The following SH2D4A variants were observed in gnomAD, a reference collection of about 807,000 sequenced individuals.
SH2D4A encodes SH2 domain-containing protein 4A.
Under a neutral mutation model 64.7 loss-of-function variants are expected in SH2D4A, and 70 were observed. The ratio of observed to expected loss-of-function variants is 1.08; its 90% CI spans 0.89 to 1.32. The LOEUF (loss-of-function observed/expected upper bound fraction) is 1.32, where lower values mean the gene tolerates loss of function less well. SH2D4A is among the 40% of genes most tolerant of loss of function. The pLI is 0.00. For synonymous variants in SH2D4A, 268 were observed against 200.7 expected (o/e 1.34, Z -2.83); for missense variants, 706 against 540.1 (o/e 1.31, Z -3.04).
rs769101182 is a variant in SH2D4A, at chr8:19,319,655, C to G, written c.108C>G (p.Ile36Met). 1 of 1,610,976 alleles carries G rather than the reference C, an allele frequency of 6.2e-7. No individual in the cohort carries two copies. Among genetic ancestry groups the G allele is most frequent in the Non-Finnish European group, 8.5e-7 (1 of 1,178,884 alleles). Residue 36 changes from isoleucine to methionine, a missense_variant, in exon 2 of 10, where the codon ATC (isoleucine) becomes ATG (methionine). Coordinates refer to ENST00000265807, the MANE Select transcript of SH2D4A (RefSeq NM_022071.4). ...TCTTCAAGATGAGAGAGGAACAGAT[C>G]CGACGATGGAAAGAAAGAGAAGCAG... ...ILFFKMREEQ[I>M]RRWKEREAAM...
In SH2D4A at chr8:19,332,968, G is replaced by A. The variant is rs368982973; in HGVS notation, c.195G>A (p.Ser65=). The change falls in exon 3 of 10, where the codon TCG becomes TCA. Residue 65 remains serine, a synonymous_variant. Coordinates refer to ENST00000265807, the MANE Select transcript of SH2D4A (RefSeq NM_022071.4). Reference sequence around the variant, plus strand: ...GTTTGTTTGCAGAGAATGGCAAATCGGTTCATTGGAAACTTGGAGCTGATA... The same window carrying A: ...GTTTGTTTGCAGAGAATGGCAAATCAGTTCATTGGAAACTTGGAGCTGATA... ...KPRPKKENGK[S]VHWKLGADKE... 73 of 1,609,886 alleles carry A rather than the reference G, an allele frequency of 4.5e-5. No individual in the cohort carries two copies. Among genetic ancestry groups the A allele is most frequent in the Admixed American group, 1.0e-4 (6 of 58,802 alleles).
chr8:19,339,222 A>C (rs1215321682), intron 4 of SH2D4A, among the ~76,000 whole-genome samples: 7 of 152,218 alleles, frequency 4.6e-5, no homozygotes, highest in African/African-American at 1.7e-4. Context: ...TTCTTCTGCC[A>C]GCTTTTATTC....
At chr8:19,374,809 T>C (rs980406951) in intron 8 of SH2D4A, among the ~76,000 whole-genome samples, 1 of 152,124 alleles carries the variant, frequency 6.6e-6, no homozygotes, top group African/African-American at 2.4e-5. Context: ...GTGTCAAAGA[T>C]GAACAGAAAG....
At chr8:19,381,193 G>A (rs943814411) in intron 8 of SH2D4A, among the ~76,000 whole-genome samples, 1 of 151,956 alleles carries the variant, frequency 6.6e-6, no homozygotes, top group Non-Finnish European at 1.5e-5. Flanking sequence ...GGAATTAAAG[G>A]CAACCACCAC....
At chr8:19,353,536 T>TTTTTGTATTTTTAGTAGAAATGGGG (rs1291591408) in intron 4 of SH2D4A, among the ~76,000 whole-genome samples, 6 of 151,864 alleles carry the variant, frequency 4.0e-5, no homozygotes, top group Non-Finnish European at 2.9e-5. Context: ...GCCCGGCTAA[T>TTTTTGTATTTTTAGTAGAAATGGGG]TTTTGTATTT....
chr8:19,373,550 C>A lies in SH2D4A; in HGVS notation c.938C>A (p.Thr313Lys), dbSNP rs140723848. Residue 313 changes from threonine (T) to lysine (K), a missense_variant, in exon 8 of 10, where the codon ACA becomes AAA. Transcript: ENST00000265807. The part of the protein sequence containing the change: ...KPLRNQGVVR[T>K]LSSSAQEDII... ...AACAGAAATCAGGGAGTGGTGAGGA[C>A]ACTGTCCAGCTCTGCCCAAGAGGAC... 4 of 1,608,480 alleles carry A rather than the reference C, an allele frequency of 2.5e-6. No homozygotes were observed. The highest frequency in any genetic ancestry group is 3.4e-6 in the Non-Finnish European group (4 of 1,176,928).
Position 19,329,909 on chromosome 8 carries a change from T to C in SH2D4A, c.182-3046T>C, listed in dbSNP as rs543928090. Among the ~76,000 whole-genome samples, 9 of 152,300 alleles carry C rather than the reference T, an allele frequency of 5.9e-5. 1 individual carries two copies. In the South Asian group the frequency reaches 1.9e-3, roughly 32 times the overall value. On this transcript the variant is annotated intron_variant, in intron 2 of 9. Transcript: ENST00000265807. ...CTTTTGCAAATTGCCCAGTCTTGGG[T>C]ATGTCTTTATCAGCAACTTGAAAAT...
Position 19,364,066 on chromosome 8 carries a change from T to C in SH2D4A, c.707-6T>C, listed in dbSNP as rs1381906509. The C allele has an allele frequency of 1.1e-5, 17 of 1,613,850 alleles. No homozygotes were observed. The highest frequency in any genetic ancestry group is 5.9e-6 in the Non-Finnish European group (7 of 1,179,892). ...AGGGTTTTCTCCGACCCCGTTGTTT[T>C]TCCAGTGCGAAAATCCAAAGCAGCT... On this transcript the variant is annotated splice_polypyrimidine_tract_variant and splice_region_variant and intron_variant, in intron 6 of 9. Coordinates refer to ENST00000265807, the MANE Select transcript of SH2D4A (RefSeq NM_022071.4).
At chr8:19,343,816 G>A (rs1338932009) in intron 4 of SH2D4A, among the ~76,000 whole-genome samples, 1 of 152,186 alleles carries the variant, frequency 6.6e-6, no homozygotes. Context: ...GAAAAGAGCA[G>A]CAGTGAGTGC....
chr8:19,354,226 C>T (rs528764625), intron 4 of SH2D4A, among the ~76,000 whole-genome samples: 2 of 152,080 alleles, frequency 1.3e-5, no homozygotes, highest in African/African-American at 4.8e-5. Context: ...GTCTCGAACT[C>T]CTGACCTCAG....
intron 8 of SH2D4A, among the ~76,000 whole-genome samples, chr8:19,390,966 T>C (rs2053482833): frequency 6.6e-6 from 1 of 152,160 alleles, no homozygotes; most frequent in Admixed American, 6.5e-5. Context: ...ATGTCATAAA[T>C]TGTAACACCT....
intron 4 of SH2D4A, among the ~76,000 whole-genome samples, chr8:19,344,117 C>G (rs1385826114): frequency 6.6e-6 from 1 of 152,044 alleles, no homozygotes; most frequent in African/African-American, 2.4e-5. Context: ...CAGGCTTGTT[C>G]CATGTATTAG....
At chr8:19,369,094 G>C (rs1275302859) in intron 7 of SH2D4A, among the ~76,000 whole-genome samples, 1 of 152,030 alleles carries the variant, frequency 6.6e-6, no homozygotes, top group African/African-American at 2.4e-5. Flanking sequence ...TGATCTTGTG[G>C]TCTTTGTCTT....
Position 19,326,035 on chromosome 8 carries a change from C to A in SH2D4A, c.181+6307C>A, listed in dbSNP as rs566253287. 1.2e-4 allele frequency among the ~76,000 whole-genome samples: 18 copies of A among 152,326 alleles called. No individual in the cohort carries two copies. In the South Asian group the frequency reaches 2.1e-3, roughly 18 times the overall value. On this transcript the variant is annotated intron_variant, in intron 2 of 9. Coordinates refer to ENST00000265807, the MANE Select transcript of SH2D4A (RefSeq NM_022071.4). ...TGGTTGCCACCCCAGCGTCCCTTTTCAATTGCTCCATTTTCACCCTCCAAA... is the reference window on the plus strand; with the variant it reads ...TGGTTGCCACCCCAGCGTCCCTTTTAAATTGCTCCATTTTCACCCTCCAAA...
At chr8:19,369,140 T>C (rs1476464170) in intron 7 of SH2D4A, among the ~76,000 whole-genome samples, 1 of 152,170 alleles carries the variant, frequency 6.6e-6, no homozygotes, top group Non-Finnish European at 1.5e-5. Context: ...GTTCATTGAT[T>C]CGTTTATGTT....
At chr8:19,367,561 G>T (rs1006145821) in intron 7 of SH2D4A, among the ~76,000 whole-genome samples, 2 of 151,852 alleles carry the variant, frequency 1.3e-5, no homozygotes, top group Non-Finnish European at 2.9e-5. Context: ...TGCCTATTGA[G>T]GTTTTTTCTT....
chr8:19,390,367 T>TA (rs756174670), intron 8 of SH2D4A, among the ~76,000 whole-genome samples: 3 of 151,862 alleles, frequency 2.0e-5, no homozygotes, highest in Non-Finnish European at 4.4e-5. Flanking sequence ...AGTGACTGTT[T>TA]AAAAAAAAGA....
At chr8:19,372,174 G>C (rs1404063605) in intron 7 of SH2D4A, among the ~76,000 whole-genome samples, 1 of 152,142 alleles carries the variant, frequency 6.6e-6, no homozygotes, top group Non-Finnish European at 1.5e-5. Flanking sequence ...CTGTCTTTCA[G>C]AGGCCCTTCC....
Position 19,357,229 on chromosome 8 carries a change from T to A in SH2D4A, c.540T>A (p.Ile180=), listed in dbSNP as rs1351210488. Residue 180 remains isoleucine, a synonymous_variant, in exon 5 of 10, where the codon ATT becomes ATA. Transcript: ENST00000265807. The part of the protein sequence containing the change: ...IRSLSSSSRN[I]QQMLADSINR... ...CACTCTCCAGTTCTTCAAGAAATAT[T>A]CAACAAATGTTGGCAGATTCAATCA... 3.7e-6 allele frequency: 6 copies of A among 1,614,010 alleles called. No homozygotes were observed. In the South Asian group the frequency reaches 6.6e-5, roughly 18 times the overall value.
Sources: gnomAD v4.1 joint callset for allele counts (sites outside exome capture counted in the v4.1 genomes callset) on GRCh38, gnomAD v4.1.1 for gene constraint, MANE v1.5 for transcripts, NCBI Gene and HGNC (gene_info 2026-07-23, HGNC 2026-07-21) for gene names.